ABLIM1: variants seen among roughly 807,000 people sequenced by gnomAD.
ABLIM1 encodes actin binding LIM protein 1.
Under a neutral mutation model 107.0 loss-of-function variants are expected in ABLIM1, and 40 were observed. That is an observed-to-expected ratio of 0.37 (90% CI 0.29 to 0.49). The LOEUF (loss-of-function observed/expected upper bound fraction) is 0.49, where lower values mean the gene tolerates loss of function less well. Ranked by LOEUF, ABLIM1 falls within the 20% of genes least tolerant of loss-of-function variation. The probability of loss-of-function intolerance (pLI) is 0.97; values close to 1 mark genes in which losing one functional copy is unlikely to be tolerated. For missense variants in ABLIM1, 857 were observed against 1,008.5 expected (o/e 0.85, Z 2.04); for synonymous variants, 357 against 357.3 (o/e 1.00, Z 0.01).
intron 10 of ABLIM1, among the ~76,000 whole-genome samples, chr10:114,471,565 T>A (rs1371848027): frequency 6.6e-6 from 1 of 152,106 alleles, no homozygotes; most frequent in African/African-American, 2.4e-5. Flanking sequence ...TGGCACTACA[T>A]GAAAATGGAT....
chr10:114,573,625 A>C (rs993237986), intron 3 of ABLIM1, among the ~76,000 whole-genome samples: 1 of 152,228 alleles, frequency 6.6e-6, no homozygotes, highest in Non-Finnish European at 1.5e-5. Flanking sequence ...CTAAATTAGC[A>C]TGCAGGTTTT....
intron 2 of ABLIM1, among the ~76,000 whole-genome samples, chr10:114,601,253 T>C (rs2075965457): frequency 6.6e-6 from 1 of 151,430 alleles, no homozygotes; most frequent in Non-Finnish European, 1.5e-5. Flanking sequence ...GTATTTTTAC[T>C]GCTCTTTCTT....
At chr10:114,634,221 C>T (rs2483611) in intron 1 of ABLIM1, among the ~76,000 whole-genome samples, 3,068 of 135,400 alleles carry the variant, frequency 0.023, 117 homozygotes, top group African/African-American at 0.08. Context: ...CAAGCTCCGC[C>T]TCCCGGGTTC....
At position 114,468,344 on chromosome 10, in the gene ABLIM1, G is replaced by A. The variant is rs1307163900; in HGVS notation, c.1276-128C>T. ...GGCTGGAGTGCAGTGGCGCAATCTC[G>A]GTTTACTGCAATCTCCGCCTCCCAG... On this transcript the variant is annotated intron_variant, in intron 10 of 22. Coordinates refer to ENST00000533213, the MANE Select transcript of ABLIM1 (RefSeq NM_002313.7). The A allele has an allele frequency of 1.3e-5, 11 of 848,802 alleles. 1 individual carries two copies. In the East Asian group the frequency reaches 1.3e-4, roughly 10 times the overall value. 52.6% of individuals were successfully genotyped at this position (848,802 alleles called of 1,614,324 possible).
intron 1 of ABLIM1, among the ~76,000 whole-genome samples, chr10:114,631,417 C>G (rs568566233): frequency 6.6e-6 from 1 of 152,236 alleles, no homozygotes; most frequent in African/African-American, 2.4e-5. Context: ...ACACGCAGAG[C>G]ACCTGAAGCC....
chr10:114,485,791 A>C (rs2058101069), intron 8 of ABLIM1, among the ~76,000 whole-genome samples: 1 of 152,192 alleles, frequency 6.6e-6, no homozygotes, highest in African/African-American at 2.4e-5. Context: ...AAACATTTTC[A>C]TTTTGCTATG....
At chr10:114,662,235 TTTG>T (rs547788768), upstream of ABLIM1, among the ~76,000 whole-genome samples, 109 of 152,314 alleles carry the variant, frequency 7.2e-4, no homozygotes, top group African/African-American at 2.6e-3. Context: ...ACTTTTCATT[TTTG>T]TTGTTGTTTT....
chr10:114,468,854 A>G (rs1222845378), intron 10 of ABLIM1, among the ~76,000 whole-genome samples: 2 of 151,656 alleles, frequency 1.3e-5, no homozygotes, highest in African/African-American at 4.8e-5. Flanking sequence ...GATCGAGACC[A>G]TCCTGGCTAA....
rs2060661062 is a variant in ABLIM1, at chr10:114,444,151, G to GT, written c.1828-18_1828-17insA. ...TGAGTTAAGCTATTCACAGAAAAAA[G>GT]GAAAAAAAAAAAAAAAAGAAAGCAA... is the stretch of plus-strand genomic sequence containing the variant. On this transcript the variant is annotated splice_polypyrimidine_tract_variant and intron_variant, in intron 16 of 22. Transcript: ENST00000533213. The GT allele has an allele frequency of 2.1e-4, 265 of 1,238,578 alleles. No individual in the cohort carries two copies. Among genetic ancestry groups the GT allele is most frequent in the Non-Finnish European group, 2.5e-4 (239 of 948,214 alleles). 76.7% of individuals were successfully genotyped at this position (1,238,578 alleles called of 1,614,324 possible).
intron 1 of ABLIM1, among the ~76,000 whole-genome samples, chr10:114,743,366 G>A (rs2082323874): frequency 6.6e-6 from 1 of 152,142 alleles, no homozygotes; most frequent in African/African-American, 2.4e-5. Flanking sequence ...TTGGAACTCA[G>A]AAACATTAAA....
intron 6 of ABLIM1, among the ~76,000 whole-genome samples, chr10:114,536,550 G>C (rs2066054136): frequency 1.3e-5 from 2 of 151,916 alleles, no homozygotes; most frequent in Admixed American, 1.3e-4. Flanking sequence ...ACCTGGCCCT[G>C]ACTTTTTGTT....
chr10:114,608,219 C>T (rs2076556619), intron 1 of ABLIM1, among the ~76,000 whole-genome samples: 1 of 152,176 alleles, frequency 6.6e-6, no homozygotes, highest in Admixed American at 6.5e-5. Flanking sequence ...CAAAAATTAG[C>T]TGGGCATGGT....
In ABLIM1 at chr10:114,491,824, T is replaced by C; in HGVS notation, c.949A>G (p.Met317Val). Residue 317 changes from methionine (M) to valine (V), a missense_variant, in exon 7 of 23, where the codon ATG (methionine) becomes GTG (valine). Physicochemically the swap from Met to Val is conservative, Grantham distance 21. This residue lies in a region of ABLIM1 where 381 missense variants were observed against 506.9 expected (regional missense o/e 0.75). Coordinates refer to ENST00000533213, the MANE Select transcript of ABLIM1 (RefSeq NM_002313.7). ...SCARCSRCNQ[M>V]FTEGEEMYLQ... ...TACATTTCCTCTCCTTCTGTGAACA[T>C]CTGGTTGCATCTGCTGCATCGTGCA... 1 of 1,612,650 alleles carries C rather than the reference T, an allele frequency of 6.2e-7. No homozygotes were observed. The highest frequency in any genetic ancestry group is 8.5e-7 in the Non-Finnish European group (1 of 1,178,810).
At chr10:114,746,585 C>CT (rs2142357527) in intron 1 of ABLIM1, among the ~76,000 whole-genome samples, 1 of 152,216 alleles carries the variant, frequency 6.6e-6, no homozygotes, top group East Asian at 1.9e-4. Context: ...GATTTCAAAT[C>CT]TTTTTGGTTC....
chr10:114,448,764 C>T (rs887098081), intron 14 of ABLIM1, among the ~76,000 whole-genome samples: 2 of 152,162 alleles, frequency 1.3e-5, no homozygotes, highest in African/African-American at 2.4e-5. Context: ...AAGGCATGCA[C>T]CACCATGCCC....
rs569329324 is a variant in ABLIM1, at chr10:114,739,508, T to G, written c.-213+28553A>C. Among the ~76,000 whole-genome samples the G allele has an allele frequency of 1.6e-3, 248 of 152,316 alleles. 1 individual carries two copies. Among genetic ancestry groups the G allele is most frequent in the Non-Finnish European group, 2.6e-3 (175 of 68,018 alleles). On this transcript the variant is annotated intron_variant, in intron 1 of 15. Transcript: ENST00000651092. ...CAATGTAGATTTTTAGGTGTTACCA[T>G]TTAGAACAAAAGCATTGTTTGAAAG...
intron 1 of ABLIM1, among the ~76,000 whole-genome samples, chr10:114,628,917 G>A (rs776241917): frequency 7.9e-5 from 12 of 152,116 alleles, no homozygotes; most frequent in African/African-American, 2.9e-4. Context: ...ATAGGTTGAC[G>A]AGCGTGTATT....
chr10:114,491,012 G>GTGTGTATATATATATATA, intron 7 of ABLIM1, among the ~76,000 whole-genome samples: 52 of 92,378 alleles, frequency 5.6e-4, no homozygotes, highest in South Asian at 2.8e-3. Context: ...GTGTGTGTGT[G>GTGTGTATATATATATATA]TATATATATA....
At chr10:114,748,853 G>T (rs577020466) in intron 1 of ABLIM1, among the ~76,000 whole-genome samples, 3 of 151,584 alleles carry the variant, frequency 2.0e-5, no homozygotes, top group Non-Finnish European at 2.9e-5. Context: ...TTGTAGAGAC[G>T]GGGGTCTCCC....
Sources: gnomAD v4.1 joint callset for allele counts (sites outside exome capture counted in the v4.1 genomes callset) on GRCh38, gnomAD v4.1.1 for gene constraint, gnomAD v4.1.1 regional missense constraint, MANE v1.5 for transcripts, NCBI Gene and HGNC (gene_info 2026-07-23, HGNC 2026-07-21) for gene names.